Variants in CAPN2 observed in about 807,000 individuals in gnomAD.
CAPN2 encodes calpain 2, also known as calpain-2 catalytic subunit.
A neutral mutation model predicts 102.3 loss-of-function variants in CAPN2; 92 were observed. The observed-to-expected ratio is 0.90, with a 90% CI of 0.76 to 1.07. CAPN2 has a LOEUF of 1.07. CAPN2 is among the 50% of genes least tolerant of loss of function. CAPN2 has a pLI of 0.00. For synonymous variants in CAPN2, 340 were observed against 355.4 expected, an observed-to-expected ratio of 0.96 and a Z score of 0.49; for missense variants, 800 against 909.4, an observed-to-expected ratio of 0.88 and a Z score of 1.55.
At position 223,755,417 on chromosome 1, in the gene CAPN2, C is replaced by T; in HGVS notation, c.1136-63C>T. ...GAAGCCTCCAAGCCTGAGACCAGGG[C>T]CACCCCCCACCCCCATGCATTCCTG... On this transcript the variant is annotated intron_variant, in intron 9 of 20. Coordinates refer to ENST00000295006, the MANE Select transcript of CAPN2 (RefSeq NM_001748.5). This position sits in a 1 kb window ranked among gnomAD's most constrained non-coding sequence, Gnocchi z 4.1. The T allele has an allele frequency of 1.3e-6, 2 of 1,567,078 alleles. No individual in the cohort carries two copies. Among genetic ancestry groups the T allele is most frequent in the African/African-American group, 1.4e-5 (1 of 73,940 alleles).
Position 223,755,413 on chromosome 1 carries a change from A to G in CAPN2, c.1136-67A>G, listed in dbSNP as rs112481335. The G allele has an allele frequency of 6.8e-5, 106 of 1,556,808 alleles. No individual in the cohort carries two copies. In the African/African-American group the frequency reaches 1.3e-3, roughly 19 times the overall value. ...CTCAGAAGCCTCCAAGCCTGAGACC[A>G]GGGCCACCCCCCACCCCCATGCATT... On this transcript the variant is annotated intron_variant, in intron 9 of 20. Transcript: ENST00000295006. The surrounding 1 kb of genome is among the most constrained non-coding windows in gnomAD (Gnocchi z 4.1).
chr1:223,770,495 T>A lies in CAPN2; in HGVS notation c.1873T>A (p.Tyr625Asn). The A allele has an allele frequency of 5.0e-6, 8 of 1,613,846 alleles. No individual in the cohort carries two copies. The highest frequency in any genetic ancestry group is 6.8e-6 in the Non-Finnish European group (8 of 1,179,796). Residue 625 changes from tyrosine to asparagine, a missense_variant, in exon 18 of 21, where the codon TAT becomes AAT. Coordinates refer to ENST00000295006, the MANE Select transcript of CAPN2 (RefSeq NM_001748.5). ...TGACAGGTCTGGTACCATGAATTCC[T>A]ATGAAATGCGGAAGGCATTAGAAGA... is the stretch of plus-strand genomic sequence containing the variant. ...DVDRSGTMNSYEMRKALEEAG... is the reference protein window; with the variant it reads ...DVDRSGTMNSNEMRKALEEAG...
intron 2 of CAPN2, among the ~76,000 whole-genome samples, chr1:223,741,428 T>C (rs928775660): frequency 5.1e-5 from 4 of 78,356 alleles, no homozygotes; most frequent in Non-Finnish European, 8.0e-5. Context: ...AATGTATATA[T>C]ATATATAATG....
In CAPN2 at chr1:223,756,070, G is replaced by A. The variant is rs1033477190; in HGVS notation, c.1305+421G>A. The stretch of plus-strand genomic sequence containing the variant: ...GCTCGGCAAAGTCATTGGCCTGGAT[G>A]GTGGAGAGCTTGGGGACAGGGGAAC... On this transcript the variant is annotated intron_variant, in intron 10 of 20. Coordinates refer to ENST00000295006, the MANE Select transcript of CAPN2 (RefSeq NM_001748.5). The surrounding 1 kb of genome is among the most constrained non-coding windows in gnomAD (Gnocchi z 4.1). 1.3e-5 allele frequency among the ~76,000 whole-genome samples: 2 copies of A among 152,242 alleles called. No homozygotes were observed. The highest frequency in any genetic ancestry group is 1.3e-4 in the Admixed American group (2 of 15,284).
At chr1:223,760,191 A>AG (rs1661152194) in intron 12 of CAPN2, among the ~76,000 whole-genome samples, 1 of 152,198 alleles carries the variant, frequency 6.6e-6, no homozygotes, top group Non-Finnish European at 1.5e-5. Context: ...GATGGGAGGT[A>AG]GGGGGTCAGG....
chr1:223,714,559 G>A (rs1336081178), intron 1 of CAPN2, among the ~76,000 whole-genome samples: 1 of 148,902 alleles, frequency 6.7e-6, no homozygotes, highest in African/African-American at 2.5e-5. Context: ...TGGGAGGATC[G>A]CTTGAGCCAG....
upstream of CAPN2, chr1:223,712,470 C>T: frequency 1.7e-6 from 2 of 1,159,742 alleles, no homozygotes; most frequent in Non-Finnish European, 2.1e-6. Context: ...CCGGGAGCGG[C>T]TGAGGCCACA....
At chr1:223,739,182 A>ATTT (rs5781334) in intron 2 of CAPN2, among the ~76,000 whole-genome samples, 39 of 132,414 alleles carry the variant, frequency 2.9e-4, no homozygotes, top group Admixed American at 4.7e-4. Context: ...GCATAAACAG[A>ATTT]TTTTTTTTTT....
chr1:223,713,730 C>G (rs1465793096), intron 1 of CAPN2, among the ~76,000 whole-genome samples: 1 of 152,224 alleles, frequency 6.6e-6, no homozygotes, highest in South Asian at 2.1e-4. Flanking sequence ...GCTTCCAGCT[C>G]TGCTTCCACA....
chr1:223,751,813 T>C (rs1317610761), intron 7 of CAPN2, among the ~76,000 whole-genome samples, 184 bp from the exon 8 acceptor site: 1 of 152,218 alleles, frequency 6.6e-6, no homozygotes, highest in Non-Finnish European at 1.5e-5. Flanking sequence ...TGTATAGTGT[T>C]CTATACTCTT....
intron 20 of CAPN2, among the ~76,000 whole-genome samples, chr1:223,773,691 T>G (rs1481101217): frequency 6.6e-6 from 1 of 151,072 alleles, no homozygotes; most frequent in Admixed American, 6.6e-5. Context: ...AGAGCAAAAC[T>G]GCATCTAAAA....
chr1:223,741,765 TTTTTC>T (rs201470769), intron 2 of CAPN2, among the ~76,000 whole-genome samples: 10 of 151,406 alleles, frequency 6.6e-5, no homozygotes, highest in African/African-American at 2.0e-4. Context: ...CTCTTTTATC[TTTTTC>T]TTTTCTTTTC....
intron 8 of CAPN2, among the ~76,000 whole-genome samples, chr1:223,752,592 C>T (rs1660930553): frequency 6.6e-6 from 1 of 152,158 alleles, no homozygotes; most frequent in African/African-American, 2.4e-5. Context: ...GTTTAAGTAA[C>T]CTGCTCAAAG....
intron 5 of CAPN2, 56 bp from the exon 6 acceptor site, chr1:223,748,983 A>G: frequency 1.3e-6 from 2 of 1,488,810 alleles, no homozygotes; most frequent in Non-Finnish European, 1.9e-6. Context: ...GGAGCGAGGG[A>G]GTCCGGGAGG....
intron 17 of CAPN2, 106 bp downstream of exon 17, chr1:223,770,015 T>C (rs977454154): frequency 3.0e-6 from 3 of 985,580 alleles, no homozygotes; most frequent in African/African-American, 3.2e-5. Context: ...TCCAAGGGGA[T>C]TGGGATTTTA....
At chr1:223,766,471 G>T (rs755711537) in intron 16 of CAPN2, 40 bp downstream of exon 16, 1 of 1,450,390 alleles carries the variant, frequency 6.9e-7, no homozygotes, top group Non-Finnish European at 9.7e-7. Flanking sequence ...GACTGGGGGA[G>T]TTTAAAATCT....
At chr1:223,765,076 G>A (rs1450543534) in intron 15 of CAPN2, among the ~76,000 whole-genome samples, 1 of 152,228 alleles carries the variant, frequency 6.6e-6, no homozygotes, top group Admixed American at 6.5e-5. Context: ...GCAGAGTTTT[G>A]AACATATCAG....
At chr1:223,735,715 C>T (rs1421310504) in intron 2 of CAPN2, among the ~76,000 whole-genome samples, 3 of 151,872 alleles carry the variant, frequency 2.0e-5, no homozygotes, top group Non-Finnish European at 2.9e-5. Flanking sequence ...CTGTGCCCAG[C>T]AGCGAGGGGG....
Position 223,755,371 on chromosome 1 carries a change from C to A in CAPN2, c.1136-109C>A. ...ATCTCCCACCACCTCCCACCATCTC[C>A]CTTTATCTCCATCCCTCTCAGAAGC... On this transcript the variant is annotated intron_variant, in intron 9 of 20. Coordinates refer to ENST00000295006, the MANE Select transcript of CAPN2 (RefSeq NM_001748.5). The surrounding 1 kb of genome is among the most constrained non-coding windows in gnomAD (Gnocchi z 4.1). 9.3e-7 allele frequency: 1 copy of A among 1,071,170 alleles called. No individual in the cohort carries two copies. Among genetic ancestry groups the A allele is most frequent in the Admixed American group, 2.1e-5 (1 of 48,440 alleles). The allele number at this position is 1,071,170 out of a possible 1,614,324, so 66.4% of individuals were successfully genotyped here.
Sources: allele counts gnomAD v4.1 joint callset (sites outside exome capture counted in the v4.1 genomes callset), GRCh38; gene constraint gnomAD v4.1.1; non-coding constraint Gnocchi (gnomAD v3.1); transcripts MANE v1.5; gene names NCBI Gene and HGNC (gene_info 2026-07-23, HGNC 2026-07-21).